The following BUD31 variants were observed in gnomAD, a reference collection of about 807,000 sequenced individuals.
BUD31 encodes BUD31 spliceosome associated protein.
In BUD31, 9 loss-of-function variants were observed where a neutral mutation model predicts 17.9. The ratio of observed to expected loss-of-function variants is 0.50; its 90% CI spans 0.30 to 0.88. The LOEUF (loss-of-function observed/expected upper bound fraction) is 0.88, where lower values mean the gene tolerates loss of function less well. Among genes scored for constraint, BUD31 ranks in the 40% least tolerant of loss-of-function variants. BUD31 has a pLI of 0.06. For synonymous variants in BUD31, 70 were observed against 64.7 expected, an observed-to-expected ratio of 1.08 and a Z score of -0.39; for missense variants, 148 against 184.5, an observed-to-expected ratio of 0.80 and a Z score of 1.15.
At chr7:99,410,383 T>TA (rs1446035867) in intron 2 of BUD31, among the ~76,000 whole-genome samples, 28 of 150,934 alleles carry the variant, frequency 1.9e-4, no homozygotes, top group African/African-American at 6.3e-4. Context: ...CATGCTCAGT[T>TA]AATTTTTTTG....
intron 4 of BUD31, 73 bp from the exon 5 acceptor site, chr7:99,417,356 A>C (rs1015374599): frequency 2.0e-6 from 3 of 1,522,514 alleles, no homozygotes; most frequent in Non-Finnish European, 2.7e-6. Flanking sequence ...CCCGGCCTGA[A>C]TGCTTTTTTT....
intron 1 of BUD31, among the ~76,000 whole-genome samples, chr7:99,409,774 G>T (rs568553320): frequency 1.9e-4 from 25 of 130,984 alleles, no homozygotes; most frequent in Non-Finnish European, 3.0e-4. Context: ...GTGGGCGGGG[G>T]GGGGGTGGGT....
Position 99,410,978 on chromosome 7 carries a change from A to G in BUD31, c.-29-86A>G, listed in dbSNP as rs977466344. The G allele has an allele frequency of 8.5e-6, 7 of 827,914 alleles. No homozygotes were observed. The African/African-American group carries it at 1.2e-4, about 14-fold the overall frequency. The allele number at this position is 827,914 out of a possible 1,614,324, so 51.3% of individuals were successfully genotyped here. A position where few individuals can be genotyped will look rare whatever the true frequency, so the allele number is the denominator to read the frequency against. On this transcript the variant is annotated intron_variant, in intron 2 of 5. Transcript: ENST00000222969. ...CATAGCTGTGACCCTATGCTGACTCAAGGAAGTCAGCCTGTACCGAAATAA... is the reference window on the plus strand; with the variant it reads ...CATAGCTGTGACCCTATGCTGACTCGAGGAAGTCAGCCTGTACCGAAATAA...
At chr7:99,415,843 G>T (rs1407646947) in intron 3 of BUD31, among the ~76,000 whole-genome samples, 1 of 151,938 alleles carries the variant, frequency 6.6e-6, no homozygotes, top group Non-Finnish European at 1.5e-5. Context: ...GTCGAGTGAG[G>T]ATTATTATAA....
At chr7:99,413,892 G>A (rs937646512) in intron 3 of BUD31, among the ~76,000 whole-genome samples, 1 of 152,096 alleles carries the variant, frequency 6.6e-6, no homozygotes, top group Non-Finnish European at 1.5e-5. Flanking sequence ...GTGCCCAGCC[G>A]GGACCAACCT....
At chr7:99,413,908 C>G (rs1020929638) in intron 3 of BUD31, among the ~76,000 whole-genome samples, 14 of 152,292 alleles carry the variant, frequency 9.2e-5, no homozygotes, top group Admixed American at 4.6e-4. Flanking sequence ...AACCTTTTAA[C>G]AGAAGTTACC....
chr7:99,415,301 C>T (rs775292912), intron 3 of BUD31: 42 of 454,612 alleles, frequency 9.2e-5, no homozygotes, highest in Admixed American at 6.6e-4. Flanking sequence ...CACTGGAAAG[C>T]GGGCCCTTGC....
rs547855633 is a variant in BUD31, at chr7:99,417,965, C to T, written c.384+370C>T. 3 of 1,195,476 alleles carry T rather than the reference C, an allele frequency of 2.5e-6. No individual in the cohort carries two copies. In the South Asian group the frequency reaches 4.9e-5, roughly 19 times the overall value. The allele number at this position is 1,195,476 out of a possible 1,614,324, so 74.1% of individuals were successfully genotyped here. ...CACAGTGATACTTTAACATTACCATCACTATCTTTCCCGCCCCCCCAAGAC... is the reference window on the plus strand; with the variant it reads ...CACAGTGATACTTTAACATTACCATTACTATCTTTCCCGCCCCCCCAAGAC... On this transcript the variant is annotated intron_variant, in intron 5 of 5. Coordinates refer to ENST00000222969, the MANE Select transcript of BUD31 (RefSeq NM_003910.4).
chr7:99,412,251 G>C (rs1020490196), intron 3 of BUD31, among the ~76,000 whole-genome samples: 3 of 152,160 alleles, frequency 2.0e-5, no homozygotes, highest in African/African-American at 4.8e-5. Flanking sequence ...ATGTCTTCCC[G>C]AAACAGCTCT....
At chr7:99,415,787 C>T (rs1795409565) in intron 3 of BUD31, among the ~76,000 whole-genome samples, 1 of 152,162 alleles carries the variant, frequency 6.6e-6, no homozygotes, top group Admixed American at 6.5e-5. Context: ...ACTATGTCCC[C>T]TCAGCTCCCA....
rs985586519 is a variant in BUD31 at position 99,409,259 on chromosome 7, C to T, written c.-166+14C>T. 2.0e-5 allele frequency: 3 copies of T among 152,284 alleles called. No homozygotes were observed. The highest frequency in any genetic ancestry group is 7.2e-5 in the African/African-American group (3 of 41,442). The allele number at this position is 152,284 out of a possible 1,614,324, so 9.4% of individuals were successfully genotyped here. A position where few individuals can be genotyped will look rare whatever the true frequency, so the allele number is the denominator to read the frequency against. On this transcript the variant is annotated intron_variant, in intron 1 of 5. Transcript: ENST00000222969. ...CCGTTTCCTCTGGTAGGAACGTCTT[C>T]TGTGTTCTGATTGTTTTTCTAAGCT...
chr7:99,419,574 T>C lies in BUD31; in HGVS notation c.*133T>C, dbSNP rs1212160929. ...TCTCTATGGGGAAGGCTTCGCTGTC[T>C]ATCAGCTGTGATTTGTAAAAATAAA... On this transcript the variant is annotated 3_prime_UTR_variant, in exon 6 of 6. Coordinates refer to ENST00000222969, the MANE Select transcript of BUD31 (RefSeq NM_003910.4). The C allele has an allele frequency of 4.0e-6, 4 of 997,790 alleles. No individual in the cohort carries two copies. The highest frequency in any genetic ancestry group is 6.1e-6 in the Non-Finnish European group (4 of 659,788). The allele number at this position is 997,790 out of a possible 1,614,324, so 61.8% of individuals were successfully genotyped here.
chr7:99,409,827 T>C (rs901387360), intron 1 of BUD31, among the ~76,000 whole-genome samples: 1 of 151,776 alleles, frequency 6.6e-6, no homozygotes, highest in Admixed American at 6.6e-5. Flanking sequence ...TGAATGAATT[T>C]GAGAGAGATG....
chr7:99,417,998 T>G (rs907885170), intron 5 of BUD31: 2 of 1,166,554 alleles, frequency 1.7e-6, no homozygotes, highest in African/African-American at 3.2e-5. Context: ...GACGGAGTCT[T>G]GCTTTGTCGC....
chr7:99,414,745 G>A lies in BUD31; in HGVS notation c.95-1393G>A, dbSNP rs189674005. Reference sequence around the variant, plus strand: ...CAAGTAGGTGGGATTACAGGCATGCGCCACCATGCCCTGCTAATTCTTTTG... The same window carrying A: ...CAAGTAGGTGGGATTACAGGCATGCACCACCATGCCCTGCTAATTCTTTTG... On this transcript the variant is annotated intron_variant, in intron 3 of 5. Transcript: ENST00000222969. 1.4e-4 allele frequency among the ~76,000 whole-genome samples: 21 copies of A among 152,180 alleles called. No individual in the cohort carries two copies. The East Asian group carries it at 2.9e-3, about 21-fold the overall frequency.
intron 4 of BUD31, chr7:99,416,738 T>TTTTTA (rs1795493744): frequency 6.4e-6 from 1 of 155,618 alleles, no homozygotes; most frequent in African/African-American, 2.5e-5. Context: ...TTTTTTTTTT[T>TTTTTA]GAAACAGGGT....
chr7:99,418,559 G>A (rs1795637672), intron 5 of BUD31: 1 of 152,750 alleles, frequency 6.5e-6, no homozygotes, highest in African/African-American at 2.4e-5. Flanking sequence ...GGAGAGCTGT[G>A]GCTGGATGCT....
In BUD31 at chr7:99,417,514, C is replaced by T. The variant is rs1373793631; in HGVS notation, c.303C>T (p.Cys101=). 6.2e-7 allele frequency: 1 copy of T among 1,611,118 alleles called. No homozygotes were observed. The highest frequency in any genetic ancestry group is 8.5e-7 in the Non-Finnish European group (1 of 1,178,070). The change falls in exon 5 of 6, where the codon TGC becomes TGT. Residue 101 remains cysteine, a synonymous_variant. Transcript: ENST00000222969. ...KWKKQGYENL[C]CLRCIQTRDT... ...AAAAGCAAGGATATGAGAACTTGTG[C>T]TGCCTGCGGTGCATTCAGACACGGG...
intron 3 of BUD31, among the ~76,000 whole-genome samples, chr7:99,413,485 T>C (rs946920684): frequency 4.6e-5 from 7 of 152,244 alleles, no homozygotes; most frequent in Admixed American, 1.3e-4. Context: ...TTCAAGATGA[T>C]TAGGATGCCC....
Sources: gnomAD v4.1 joint callset for allele counts (sites outside exome capture counted in the v4.1 genomes callset) on GRCh38, gnomAD v4.1.1 for gene constraint, MANE v1.5 for transcripts, NCBI Gene and HGNC (gene_info 2026-07-23, HGNC 2026-07-21) for gene names.